YY1: variants seen among roughly 807,000 people sequenced by gnomAD.
YY1 encodes the protein transcriptional repressor protein YY1.
A neutral mutation model predicts 35.6 loss-of-function variants in YY1; 2 were observed. The observed-to-expected ratio is 0.06, with a 90% CI of 0.02 to 0.18. YY1 has a LOEUF of 0.18. Among genes scored for constraint, YY1 ranks in the 10% least tolerant of loss-of-function variants. The pLI, the probability that YY1 is intolerant of heterozygous loss-of-function variation, is 1.00. For synonymous variants in YY1, 268 were observed against 238.9 expected, an observed-to-expected ratio of 1.12 and a Z score of -1.12; for missense variants, 322 against 573.4, an observed-to-expected ratio of 0.56 and a Z score of 4.48.
chr14:100,269,270 G>A (rs1891199078), intron 2 of YY1, among the ~76,000 whole-genome samples: 1 of 152,154 alleles, frequency 6.6e-6, no homozygotes, highest in Admixed American at 6.5e-5. Flanking sequence ...TCATTTCCCA[G>A]GTGCTTAACA....
intron 2 of YY1, chr14:100,264,055 G>A (rs1016014262): frequency 1.3e-5 from 2 of 151,772 alleles, no homozygotes; most frequent in African/African-American, 4.9e-5. Context: ...TGTAGAGATG[G>A]AGTCTCACTA....
chr14:100,240,373 C>T (rs1156731623), intron 1 of YY1, among the ~76,000 whole-genome samples: 2 of 149,060 alleles, frequency 1.3e-5, no homozygotes, highest in African/African-American at 4.9e-5. Flanking sequence ...GGATTGCTGC[C>T]TCCGGGACGC....
chr14:100,246,384 C>T lies in YY1; in HGVS notation c.679+6461C>T, dbSNP rs118132454. 1.7e-4 allele frequency among the ~76,000 whole-genome samples: 26 copies of T among 152,316 alleles called. No individual in the cohort carries two copies. The East Asian group carries it at 4.2e-3, about 25-fold the overall frequency. ...TGGCAGCTGAGTGGCACCTCCTTCACGCCTAGGAGTCGATGGTCCCTCCCC... is the reference window on the plus strand; with the variant it reads ...TGGCAGCTGAGTGGCACCTCCTTCATGCCTAGGAGTCGATGGTCCCTCCCC... On this transcript the variant is annotated intron_variant, in intron 1 of 4. Coordinates refer to ENST00000262238, the MANE Select transcript of YY1 (RefSeq NM_003403.5).
At chr14:100,242,392 T>A (rs796765710) in intron 1 of YY1, among the ~76,000 whole-genome samples, 1 of 139,122 alleles carries the variant, frequency 7.2e-6, no homozygotes. Flanking sequence ...TTTTTTTTTT[T>A]TTTTTTTTTT....
intron 1 of YY1, among the ~76,000 whole-genome samples, chr14:100,261,094 G>C (rs1891081027): frequency 6.6e-6 from 1 of 151,930 alleles, no homozygotes; most frequent in African/African-American, 2.4e-5. Context: ...ACTGCACCTG[G>C]CCTATTTTTT....
At chr14:100,250,653 G>C (rs1402835293) in intron 1 of YY1, among the ~76,000 whole-genome samples, 1 of 152,126 alleles carries the variant, frequency 6.6e-6, no homozygotes, top group African/African-American at 2.4e-5. Flanking sequence ...GGACCACTGA[G>C]TGGTAGTACT....
In YY1 at chr14:100,239,227, G is replaced by T. The variant is rs1890683445; in HGVS notation, c.-18G>T. On this transcript the variant is annotated 5_prime_UTR_variant, in exon 1 of 5. Coordinates refer to ENST00000262238, the MANE Select transcript of YY1 (RefSeq NM_003403.5). ...AGGAGCCGAGGCCGCCGCGGCCGTG[G>T]CGGCGGAGCCCTCAGCCATGGCCTC... 1 of 1,475,828 alleles carries T rather than the reference G, an allele frequency of 6.8e-7. No individual in the cohort carries two copies. Among genetic ancestry groups the T allele is most frequent in the Non-Finnish European group, 8.9e-7 (1 of 1,117,750 alleles). The allele number at this position is 1,475,828 out of a possible 1,614,324, so 91.4% of individuals were successfully genotyped here. A position where few individuals can be genotyped will look rare whatever the true frequency, so the allele number is the denominator to read the frequency against.
intron 1 of YY1, 143 bp downstream of exon 1, chr14:100,240,066 G>A: frequency 2.6e-6 from 2 of 772,714 alleles, no homozygotes; most frequent in Non-Finnish European, 3.4e-6. Context: ...GCGGCGGCGG[G>A]GGCGCGGCGG....
intron 1 of YY1, among the ~76,000 whole-genome samples, 183 bp downstream of exon 1, chr14:100,240,106 C>T (rs1595310057): frequency 6.9e-6 from 1 of 145,296 alleles, no homozygotes. Context: ...GCGAAGATGG[C>T]GGCAGGCCGC....
intron 2 of YY1, among the ~76,000 whole-genome samples, chr14:100,263,291 G>A (rs546089357): frequency 2.0e-5 from 3 of 152,368 alleles, no homozygotes; most frequent in Non-Finnish European, 4.4e-5. Context: ...TCATCCAGCT[G>A]ACCACTGGAA....
In YY1 at chr14:100,239,169, C is replaced by T. The variant is rs1890681575; in HGVS notation, c.-76C>T. 3.8e-6 allele frequency: 5 copies of T among 1,305,108 alleles called. No homozygotes were observed. Among genetic ancestry groups the T allele is most frequent in the African/African-American group, 1.6e-5 (1 of 63,152 alleles). The allele number at this position is 1,305,108 out of a possible 1,614,324, so 80.8% of individuals were successfully genotyped here. A position where few individuals can be genotyped will look rare whatever the true frequency, so the allele number is the denominator to read the frequency against. Reference sequence around the variant, plus strand: ...CTCCCTCTGCCTTCCTTCCCCACGGCCGGCCGCCTCCTCGCCCGCCCGCCC... The same window carrying T: ...CTCCCTCTGCCTTCCTTCCCCACGGTCGGCCGCCTCCTCGCCCGCCCGCCC... On this transcript the variant is annotated 5_prime_UTR_variant, in exon 1 of 5. Transcript: ENST00000262238.
At chr14:100,266,440 G>A (rs1258659540) in intron 2 of YY1, among the ~76,000 whole-genome samples, 2 of 152,210 alleles carry the variant, frequency 1.3e-5, no homozygotes, top group Admixed American at 1.3e-4. Context: ...GTGGTGAGCA[G>A]TAAAGCCATT....
At chr14:100,250,411 G>A (rs1209597338) in intron 1 of YY1, among the ~76,000 whole-genome samples, 1 of 152,090 alleles carries the variant, frequency 6.6e-6, no homozygotes, top group African/African-American at 2.4e-5. Context: ...AAGATAGAAG[G>A]TGTGGAGAAA....
At position 100,279,314 on chromosome 14, in the gene YY1, A is replaced by G. The variant is rs1191426628; in HGVS notation, c.*1714A>G. On this transcript the variant is annotated 3_prime_UTR_variant, in exon 5 of 5. Coordinates refer to ENST00000262238, the MANE Select transcript of YY1 (RefSeq NM_003403.5). Reference sequence around the variant, plus strand: ...GAGATTTATTTACAAATGGCCAGGGACCCCATCAGGTGAAACACATAGCCC... The same window carrying G: ...GAGATTTATTTACAAATGGCCAGGGGCCCCATCAGGTGAAACACATAGCCC... 6.6e-6 allele frequency: 1 copy of G among 152,204 alleles called. No individual in the cohort carries two copies. Among genetic ancestry groups the G allele is most frequent in the African/African-American group, 2.4e-5 (1 of 41,442 alleles). 9.4% of individuals were successfully genotyped at this position (152,204 alleles called of 1,614,324 possible). A position where few individuals can be genotyped will look rare whatever the true frequency, so the allele number is the denominator to read the frequency against.
In YY1 at chr14:100,248,121, CTT is replaced by C. The variant is rs10694000; in HGVS notation, c.679+8211_679+8212del. On this transcript the variant is annotated intron_variant, in intron 1 of 4. Transcript: ENST00000262238. The stretch of plus-strand genomic sequence containing the variant: ...CACCACGCCCGGCTAATTTTTTTTT[CTT>C]TTTTTTTTTTTTGAGACAGTCTCGC... Among the ~76,000 whole-genome samples the C allele has an allele frequency of 2.5e-3, 299 of 117,608 alleles. 7 individuals carry two copies. Among genetic ancestry groups the C allele is most frequent in the African/African-American group, 9.6e-3 (279 of 29,132 alleles). 77.2% of individuals were successfully genotyped at this position (117,608 alleles called of 152,430 possible). A position where few individuals can be genotyped will look rare whatever the true frequency, so the allele number is the denominator to read the frequency against.
At chr14:100,271,440 A>C (rs1420926383) in intron 2 of YY1, among the ~76,000 whole-genome samples, 3 of 152,280 alleles carry the variant, frequency 2.0e-5, no homozygotes, top group Non-Finnish European at 4.4e-5. Context: ...TTAAGATAAG[A>C]AAGGCTAGTT....
At chr14:100,253,079 A>G (rs963593841) in intron 1 of YY1, among the ~76,000 whole-genome samples, 11 of 152,182 alleles carry the variant, frequency 7.2e-5, no homozygotes, top group African/African-American at 2.7e-4. Flanking sequence ...AGAAACTTCT[A>G]ATGGGGTTAA....
intron 2 of YY1, among the ~76,000 whole-genome samples, chr14:100,272,295 CAAA>C (rs11314810): frequency 1.0e-4 from 13 of 128,728 alleles, no homozygotes; most frequent in South Asian, 5.0e-4. Context: ...GACTCTGTCT[CAAA>C]AAAAAAAAAA....
chr14:100,251,290 G>T (rs1360504262), intron 1 of YY1, among the ~76,000 whole-genome samples: 1 of 152,206 alleles, frequency 6.6e-6, no homozygotes, highest in East Asian at 1.9e-4. Context: ...AGGTGTGAGA[G>T]GTTGGAGTCC....
Sources: gnomAD v4.1 joint callset for allele counts (sites outside exome capture counted in the v4.1 genomes callset) on GRCh38, gnomAD v4.1.1 for gene constraint, MANE v1.5 for transcripts, NCBI Gene and HGNC (gene_info 2026-07-23, HGNC 2026-07-21) for gene names.